The following DYTN variants were observed in gnomAD, a reference collection of about 807,000 sequenced individuals.
The protein encoded by DYTN is dystrotelin.
In DYTN, 75 loss-of-function variants were observed where a neutral mutation model predicts 69.6. That is an observed-to-expected ratio of 1.08 (90% CI 0.89 to 1.31). DYTN has a LOEUF of 1.31. Ranked by LOEUF, DYTN falls within the 50% of genes most tolerant of loss-of-function variation. The probability of loss-of-function intolerance (pLI) is 0.00; values close to 1 mark genes in which losing one functional copy is unlikely to be tolerated. For missense variants in DYTN, 726 were observed against 688.4 expected, an observed-to-expected ratio of 1.05 and a Z score of -0.61; for synonymous variants, 252 against 249.1, an observed-to-expected ratio of 1.01 and a Z score of -0.11.
At chr2:206,678,299 G>A (rs13425179) in intron 9 of DYTN, among the ~76,000 whole-genome samples, 59,751 of 152,034 alleles carry the variant, frequency 0.39, 13,186 homozygotes, top group African/African-American at 0.6. Flanking sequence ...AAAACAAGGC[G>A]ATAGTCAATA....
intron 9 of DYTN, among the ~76,000 whole-genome samples, chr2:206,669,086 A>G (rs1699604700): frequency 6.6e-6 from 1 of 152,234 alleles, no homozygotes; most frequent in Non-Finnish European, 1.5e-5. Flanking sequence ...AAATTTACCT[A>G]GCACAGTGTA....
intron 6 of DYTN, 74 bp downstream of exon 6, chr2:206,700,071 T>A: frequency 6.3e-7 from 1 of 1,593,004 alleles, no homozygotes; most frequent in South Asian, 1.1e-5. Flanking sequence ...AGGTCTGTAA[T>A]GTAAATCAGT....
At chr2:206,659,995 A>AGAATACTAT (rs201821162) in intron 11 of DYTN, among the ~76,000 whole-genome samples, 1 of 152,068 alleles carries the variant, frequency 6.6e-6, no homozygotes, top group African/African-American at 2.4e-5. Flanking sequence ...TGCAAAGTAT[A>AGAATACTAT]AAGATGTGTA....
At chr2:206,692,179 C>T (rs958375746) in intron 9 of DYTN, among the ~76,000 whole-genome samples, 1 of 151,218 alleles carries the variant, frequency 6.6e-6, no homozygotes, top group East Asian at 1.9e-4. Flanking sequence ...GTGGGAGAAT[C>T]GCTTAAGTCC....
chr2:206,713,747 T>G (rs180971887), intron 1 of DYTN, among the ~76,000 whole-genome samples: 2 of 152,252 alleles, frequency 1.3e-5, no homozygotes, highest in Admixed American at 1.3e-4. Flanking sequence ...CAATTAGAGT[T>G]TACACCCAGA....
At chr2:206,677,893 G>T (rs961507787) in intron 9 of DYTN, among the ~76,000 whole-genome samples, 2 of 152,090 alleles carry the variant, frequency 1.3e-5, no homozygotes, top group East Asian at 3.9e-4. Flanking sequence ...GAGAGGCTGA[G>T]GCAGAATAAT....
At position 206,692,289 on chromosome 2, in the gene DYTN, C is replaced by T. The variant is rs112177595; in HGVS notation, c.980+886G>A. On this transcript the variant is annotated intron_variant, in intron 9 of 11. Transcript: ENST00000452335. ...CTAAAAAAAAAAAAAAAAAGTGTTT[C>T]TCTCCTTTATCTTCTGCTATTTTAA... is the stretch of plus-strand genomic sequence containing the variant. Among the ~76,000 whole-genome samples, 965 of 150,172 alleles carry T rather than the reference C, an allele frequency of 6.4e-3. 4 individuals carry two copies. Among genetic ancestry groups the T allele is most frequent in the African/African-American group, 0.011 (454 of 40,800 alleles).
In DYTN at chr2:206,693,222, C is replaced by T. The variant is rs762646656; in HGVS notation, c.933G>A (p.Leu311=). 2 of 1,613,402 alleles carry T rather than the reference C, an allele frequency of 1.2e-6. No homozygotes were observed. Among genetic ancestry groups the T allele is most frequent in the African/African-American group, 2.7e-5 (2 of 75,056 alleles). ...CACCCTTTGGATTCACCTGGTCCAG[C>T]AGCTGCTGCCTTCTCGCTGCTTCTT... ...RKKEAARRQQ[L]LDQVNPKGVP... The change falls in exon 9 of 12, where the codon CTG becomes CTA. Residue 311 remains leucine, a synonymous_variant. Transcript: ENST00000452335.
At chr2:206,683,787 C>T (rs189461690) in intron 9 of DYTN, among the ~76,000 whole-genome samples, 1 of 152,072 alleles carries the variant, frequency 6.6e-6, no homozygotes, top group Non-Finnish European at 1.5e-5. Context: ...CCACTTGGTG[C>T]TGGCTGTCTC....
At chr2:206,698,970 C>A (rs1240569639) in intron 7 of DYTN, among the ~76,000 whole-genome samples, 1 of 152,168 alleles carries the variant, frequency 6.6e-6, no homozygotes, top group African/African-American at 2.4e-5. Flanking sequence ...TATTTAACTT[C>A]TCTGTAAATA....
Position 206,656,476 on chromosome 2 carries a change from A to G in DYTN, c.1634-4555T>C, listed in dbSNP as rs183583405. The stretch of plus-strand genomic sequence containing the variant: ...TTTGATTGGAGGCTTTAATCCATTT[A>G]TATTTAATAATTATTGATAGGGGAG... On this transcript the variant is annotated intron_variant, in intron 11 of 11. Coordinates refer to ENST00000452335, the MANE Select transcript of DYTN (RefSeq NM_001093730.1). 1.2e-4 allele frequency among the ~76,000 whole-genome samples: 19 copies of G among 152,190 alleles called. No individual in the cohort carries two copies. In the East Asian group the frequency reaches 2.9e-3, roughly 23 times the overall value.
chr2:206,694,859 A>G lies in DYTN; in HGVS notation c.738T>C (p.Cys246=), dbSNP rs201422671. ...ITGLRYRCLK[C]LNFDICQMCF... ...ACATCTGGCAGATGTCAAAGTTGAGACACTTCAGACAGCGGTATCTGCCAG... is the reference window on the plus strand; with the variant it reads ...ACATCTGGCAGATGTCAAAGTTGAGGCACTTCAGACAGCGGTATCTGCCAG... The change falls in exon 8 of 12, where the codon TGT becomes TGC. Residue 246 remains cysteine, a synonymous_variant. Transcript: ENST00000452335. 31 of 1,606,508 alleles carry G rather than the reference A, an allele frequency of 1.9e-5. No individual in the cohort carries two copies. The highest frequency in any genetic ancestry group is 1.7e-4 in the Middle Eastern group (1 of 6,016).
intron 9 of DYTN, among the ~76,000 whole-genome samples, chr2:206,676,380 A>G (rs774187163): frequency 8.5e-5 from 13 of 152,252 alleles, no homozygotes; most frequent in South Asian, 4.2e-4. Flanking sequence ...CTGAACAATG[A>G]GAACACATGG....
At chr2:206,698,272 A>G (rs1488419371) in intron 7 of DYTN, among the ~76,000 whole-genome samples, 1 of 152,136 alleles carries the variant, frequency 6.6e-6, no homozygotes, top group Non-Finnish European at 1.5e-5. Flanking sequence ...ATGAAGTTTC[A>G]CTGTGTCCTG....
chr2:206,693,315 T>C lies in DYTN; in HGVS notation c.840A>G (p.Ala280=). 1 of 1,611,674 alleles carries C rather than the reference T, an allele frequency of 6.2e-7. No homozygotes were observed. The highest frequency in any genetic ancestry group is 8.5e-7 in the Non-Finnish European group (1 of 1,179,808). ...TGAAGAGAAGTTTTGTATTCTGCATTGCTGACATCTGCTGAAAGGGCCAAC... is the reference window on the plus strand; with the variant it reads ...TGAAGAGAAGTTTTGTATTCTGCATCGCTGACATCTGCTGAAAGGGCCAAC... ...PVIEHCIQMS[A]MQNTKLLFRT... Residue 280 remains alanine, a synonymous_variant, in exon 9 of 12, where the codon GCA becomes GCG. Coordinates refer to ENST00000452335, the MANE Select transcript of DYTN (RefSeq NM_001093730.1).
In DYTN at chr2:206,670,274, C is replaced by T. The variant is rs1699616247; in HGVS notation, c.981-4245G>A. Among the ~76,000 whole-genome samples the T allele has an allele frequency of 2.0e-5, 3 of 152,182 alleles. No homozygotes were observed. The South Asian group carries it at 6.2e-4, about 32-fold the overall frequency. ...TCAGGCAATCGAAAGTCAAAACTTA[C>T]TTAGCCTGGTCATTTTTGTTATGCT... On this transcript the variant is annotated intron_variant, in intron 9 of 11. Transcript: ENST00000452335.
chr2:206,696,997 A>G (rs983162413), intron 7 of DYTN, among the ~76,000 whole-genome samples: 15 of 152,200 alleles, frequency 9.9e-5, no homozygotes, highest in African/African-American at 3.6e-4. Flanking sequence ...ATTTTTAGAA[A>G]ACTTTAAAAG....
chr2:206,652,689 A>G (rs1317922975), intron 11 of DYTN, among the ~76,000 whole-genome samples: 3 of 152,194 alleles, frequency 2.0e-5, no homozygotes. Flanking sequence ...GACATTGCTC[A>G]ATGTCTAAGA....
intron 9 of DYTN, among the ~76,000 whole-genome samples, chr2:206,675,567 C>A (rs372662368): frequency 6.6e-6 from 1 of 151,830 alleles, no homozygotes; most frequent in Admixed American, 6.6e-5. Context: ...TATGTATAAC[C>A]TTTTACTGAG....
Sources: gnomAD v4.1 joint callset for allele counts (sites outside exome capture counted in the v4.1 genomes callset) on GRCh38, gnomAD v4.1.1 for gene constraint, MANE v1.5 for transcripts, NCBI Gene and HGNC (gene_info 2026-07-23, HGNC 2026-07-21) for gene names.